VWF: variants seen among roughly 807,000 people sequenced by gnomAD.
The protein encoded by VWF is Factor VIII related antigen.
In VWF, 176 loss-of-function variants were observed where a neutral mutation model predicts 308.6. The observed-to-expected ratio is 0.57, with a 90% CI of 0.50 to 0.65. VWF has a LOEUF of 0.65. Ranked by LOEUF, VWF falls within the 30% of genes least tolerant of loss-of-function variation. VWF has a pLI of 0.00. For missense variants in VWF, 3,146 were observed against 3,648.2 expected, an observed-to-expected ratio of 0.86 and a Z score of 3.55; for synonymous variants, 1,385 against 1,443.4, an observed-to-expected ratio of 0.96 and a Z score of 0.92.
At chr12:6,087,715 C>T (rs182217663) in intron 6 of VWF, among the ~76,000 whole-genome samples, 12 of 152,030 alleles carry the variant, frequency 7.9e-5, no homozygotes, top group Admixed American at 6.6e-5. Flanking sequence ...TACCCAGACA[C>T]AGTTTGTGGA....
intron 6 of VWF, among the ~76,000 whole-genome samples, chr12:6,083,401 C>T (rs1249831297): frequency 3.3e-5 from 5 of 152,086 alleles, no homozygotes; most frequent in African/African-American, 9.7e-5. Context: ...CTTATCTCTA[C>T]AAAAATATCC....
chr12:5,986,904 T>G (rs1943685908), intron 38 of VWF, among the ~76,000 whole-genome samples: 1 of 135,400 alleles, frequency 7.4e-6, no homozygotes, highest in Admixed American at 8.0e-5. Context: ...TCTTTGTTAT[T>G]TTATGTTTTG....
intron 15 of VWF, among the ~76,000 whole-genome samples, chr12:6,054,892 A>T (rs535660362): frequency 6.6e-6 from 1 of 152,336 alleles, no homozygotes; most frequent in Admixed American, 6.5e-5. Context: ...CTCTTCTCCA[A>T]GTCAAGAAAA....
chr12:6,056,622 G>C (rs951871920), intron 15 of VWF, among the ~76,000 whole-genome samples: 3 of 152,260 alleles, frequency 2.0e-5, no homozygotes, highest in Non-Finnish European at 4.4e-5. Context: ...CAGGTAGGAG[G>C]AGCCAACCTG....
intron 43 of VWF, among the ~76,000 whole-genome samples, chr12:5,975,358 T>C (rs778924142): frequency 6.6e-6 from 1 of 152,222 alleles, no homozygotes; most frequent in Non-Finnish European, 1.5e-5. Context: ...AATGTAGTAA[T>C]AATAATCGCA....
intron 42 of VWF, among the ~76,000 whole-genome samples, chr12:5,978,958 G>A (rs970336428): frequency 2.6e-5 from 4 of 152,294 alleles, no homozygotes; most frequent in Admixed American, 6.5e-5. Context: ...GACTCATGAG[G>A]CCATGCCAAC....
intron 47 of VWF, among the ~76,000 whole-genome samples, chr12:5,964,300 A>G (rs1303205309): frequency 6.6e-6 from 1 of 151,990 alleles, no homozygotes; most frequent in Admixed American, 6.6e-5. Flanking sequence ...ACATACATAC[A>G]AAAAGCTACC....
At chr12:5,971,760 G>A (rs1197489306) in intron 43 of VWF, 51 bp from the exon 44 acceptor site, 1 of 1,516,664 alleles carries the variant, frequency 6.6e-7, no homozygotes. Flanking sequence ...CAAAGACACA[G>A]GGGCTCTTAC....
chr12:6,072,575 C>A lies in VWF; in HGVS notation c.998-133G>T, dbSNP rs553113895. 4.7e-5 allele frequency: 35 copies of A among 747,866 alleles called. No individual in the cohort carries two copies. The African/African-American group carries it at 5.5e-4, about 12-fold the overall frequency. The allele number at this position is 747,866 out of a possible 1,614,324, so 46.3% of individuals were successfully genotyped here. A position where few individuals can be genotyped will look rare whatever the true frequency, so the allele number is the denominator to read the frequency against. On this transcript the variant is annotated intron_variant, in intron 8 of 51. Transcript: ENST00000261405. Reference sequence around the variant, plus strand: ...AAAGAACTTGTTCTGTGGTGTTTATCTTTCACATAATGCAATATAAGGAAG... The same window carrying A: ...AAAGAACTTGTTCTGTGGTGTTTATATTTCACATAATGCAATATAAGGAAG...
intron 47 of VWF, among the ~76,000 whole-genome samples, chr12:5,958,635 G>GC (rs1943277193): frequency 6.6e-6 from 1 of 152,110 alleles, no homozygotes; most frequent in Non-Finnish European, 1.5e-5. Flanking sequence ...GCTGCAATGA[G>GC]CCATGATCAT....
At chr12:6,086,203 G>A (rs1262656634) in intron 6 of VWF, among the ~76,000 whole-genome samples, 1 of 152,156 alleles carries the variant, frequency 6.6e-6, no homozygotes, top group Non-Finnish European at 1.5e-5. Flanking sequence ...GCCAAACCAG[G>A]GACTGCCCCC....
chr12:6,053,334 G>A (rs565259481), intron 15 of VWF, among the ~76,000 whole-genome samples: 1 of 152,278 alleles, frequency 6.6e-6, no homozygotes, highest in Admixed American at 6.5e-5. Flanking sequence ...AAGAAACTTA[G>A]GCTGAGTGAC....
At chr12:6,054,467 G>C (rs1450910034) in intron 15 of VWF, among the ~76,000 whole-genome samples, 1 of 152,170 alleles carries the variant, frequency 6.6e-6, no homozygotes, top group Non-Finnish European at 1.5e-5. Flanking sequence ...GTTCTGATAG[G>C]CTATCTCTAG....
chr12:6,087,417 G>A (rs1260682645), intron 6 of VWF, among the ~76,000 whole-genome samples: 2 of 145,274 alleles, frequency 1.4e-5, no homozygotes, highest in Non-Finnish European at 1.5e-5. Context: ...GGAGTGCAGT[G>A]GTGCGATCTC....
At chr12:5,976,053 C>T (rs1943529381) in intron 43 of VWF, 58 bp downstream of exon 43, 6 of 1,611,128 alleles carry the variant, frequency 3.7e-6, no homozygotes, top group Non-Finnish European at 5.1e-6. Flanking sequence ...CCTAAGATGC[C>T]CTCCTCTACT....
chr12:6,124,350 C>T (rs1320632794), intron 1 of VWF, 71 bp downstream of exon 1: 1 of 152,398 alleles, frequency 6.6e-6, no homozygotes, highest in Admixed American at 6.5e-5. Context: ...TCCAGCTCCC[C>T]AGGAGCAGGG....
chr12:6,095,683 T>C (rs1945098526), intron 5 of VWF, 99 bp from the exon 6 acceptor site: 2 of 1,560,380 alleles, frequency 1.3e-6, no homozygotes, highest in Admixed American at 3.4e-5. Flanking sequence ...GTGTGTTTTG[T>C]TTTAATTTTT....
intron 3 of VWF, among the ~76,000 whole-genome samples, chr12:6,115,810 T>C (rs770796970): frequency 3.3e-5 from 5 of 152,162 alleles, no homozygotes; most frequent in Non-Finnish European, 4.4e-5. Context: ...CACTCCACAG[T>C]TGTGACAACC....
rs1237872913 is a variant in VWF at position 6,075,565 on chromosome 12, G to A, written c.658-14C>T. 1.2e-6 allele frequency: 2 copies of A among 1,610,374 alleles called. No individual in the cohort carries two copies. Among genetic ancestry groups the A allele is most frequent in the Non-Finnish European group, 1.7e-6 (2 of 1,178,350 alleles). ...CTCCCACAGGCCCTGCAGGAAGAGG[G>A]GCCGCCTCAGCGGTATGCTCCGTTA... On this transcript the variant is annotated splice_polypyrimidine_tract_variant and intron_variant, in intron 6 of 51. Coordinates refer to ENST00000261405, the MANE Select transcript of VWF (RefSeq NM_000552.5). The surrounding 1 kb of genome is among the most constrained non-coding windows in gnomAD (Gnocchi z 4.7).
Sources: gnomAD v4.1 joint callset for allele counts (sites outside exome capture counted in the v4.1 genomes callset) on GRCh38, gnomAD v4.1.1 for gene constraint, Gnocchi (gnomAD v3.1) non-coding constraint, MANE v1.5 for transcripts, NCBI Gene and HGNC (gene_info 2026-07-23, HGNC 2026-07-21) for gene names.